The following KALRN variants were observed in gnomAD, a reference collection of about 807,000 sequenced individuals.
The protein encoded by KALRN is kalirin RhoGEF kinase, also known as kalirin.
KALRN carries 70 observed loss-of-function variants against 353.7 expected under a neutral mutation model. The observed-to-expected ratio is 0.20, with a 90% CI of 0.16 to 0.24. The LOEUF is 0.24. KALRN is among the 10% of genes least tolerant of loss of function. KALRN has a pLI of 1.00. For missense variants in KALRN, 2,791 were observed against 3,756.7 expected (o/e 0.74, Z 6.72); for synonymous variants, 1,391 against 1,434.8 (o/e 0.97, Z 0.69).
intron 32 of KALRN, among the ~76,000 whole-genome samples, chr3:124,496,012 TACACAC>T (rs71922638): frequency 0.073 from 3,165 of 43,354 alleles, 525 homozygotes; most frequent in East Asian, 0.21. Context: ...TATATATATA[TACACAC>T]ACATATATAC....
chr3:124,082,197 G>A (rs1459455150), intron 1 of KALRN: 1 of 463,200 alleles, frequency 2.2e-6, no homozygotes, highest in Non-Finnish European at 4.5e-6. Context: ...CCTTCTGTAG[G>A]TAGCCAGGCT....
intron 34 of KALRN, among the ~76,000 whole-genome samples, chr3:124,564,560 C>G (rs2072550057): frequency 6.6e-6 from 1 of 151,964 alleles, no homozygotes; most frequent in South Asian, 2.1e-4. Context: ...ACCCATAGTT[C>G]CAGCTACTCA....
intron 1 of KALRN, among the ~76,000 whole-genome samples, chr3:124,074,416 T>C (rs1420434795): frequency 1.3e-5 from 2 of 152,224 alleles, no homozygotes; most frequent in East Asian, 3.8e-4. Context: ...ACAATCTCTA[T>C]GATAGTCTAG....
chr3:124,287,782 T>C (rs2076054249), intron 5 of KALRN, among the ~76,000 whole-genome samples: 3 of 7,394 alleles, frequency 4.1e-4, no homozygotes, highest in African/African-American at 9.6e-4. Context: ...TATATATATA[T>C]ATATATATAT....
At chr3:124,316,906 A>G (rs1208549584) in intron 6 of KALRN, among the ~76,000 whole-genome samples, 1 of 152,256 alleles carries the variant, frequency 6.6e-6, no homozygotes, top group Non-Finnish European at 1.5e-5. Flanking sequence ...AAGGCAAGAT[A>G]TTGATGAAAG....
intron 33 of KALRN, among the ~76,000 whole-genome samples, chr3:124,550,282 G>A (rs2070315361): frequency 1.3e-5 from 2 of 152,304 alleles, no homozygotes; most frequent in Admixed American, 1.3e-4. Context: ...GAGCTATAGT[G>A]GAGGGAGCCG....
At chr3:124,503,084 C>G (rs926772406) in intron 33 of KALRN, among the ~76,000 whole-genome samples, 2 of 152,080 alleles carry the variant, frequency 1.3e-5, no homozygotes, top group African/African-American at 4.8e-5. Flanking sequence ...TTCCTCAGCA[C>G]TAGTATTACT....
In KALRN at chr3:124,083,902, C is replaced by A. The variant is rs1185745833; in HGVS notation, c.73+50089C>A. ...CTTTGTCAGGCAGACGATGAGATTC[C>A]TTGCCTCAGTGGATGGTTTTGTTAT... On this transcript the variant is annotated intron_variant, in intron 1 of 59. Transcript: ENST00000682506. Among the ~76,000 whole-genome samples, 3 of 152,216 alleles carry A rather than the reference C, an allele frequency of 2.0e-5. No individual in the cohort carries two copies. The East Asian group carries it at 5.8e-4, about 29-fold the overall frequency.
At position 124,319,783 on chromosome 3, in the gene KALRN, A is replaced by C. The variant is rs904183414; in HGVS notation, c.1093-6197A>C. ...CAAGGCAGGCGGATCACTTGAGGTCAGGAGTTCGAGACCAGCCTGGCCAAC... is the reference window on the plus strand; with the variant it reads ...CAAGGCAGGCGGATCACTTGAGGTCCGGAGTTCGAGACCAGCCTGGCCAAC... On this transcript the variant is annotated intron_variant, in intron 6 of 59. Coordinates refer to ENST00000682506, the MANE Select transcript of KALRN (RefSeq NM_001388419.1). Among the ~76,000 whole-genome samples the C allele has an allele frequency of 2.6e-5, 4 of 152,024 alleles. No homozygotes were observed. In the South Asian group the frequency reaches 8.3e-4, roughly 32 times the overall value.
At chr3:124,623,399 T>TATACACACACACACACACACACAC (rs2079529815) in intron 34 of KALRN, among the ~76,000 whole-genome samples, 1 of 136,444 alleles carries the variant, frequency 7.3e-6, no homozygotes, top group Non-Finnish European at 1.6e-5. Context: ...TATTTATTTA[T>TATACACACACACACACACACACAC]ACACACACAC....
chr3:124,498,885 T>A (rs2064184893), intron 33 of KALRN, among the ~76,000 whole-genome samples: 3 of 151,866 alleles, frequency 2.0e-5, no homozygotes, highest in Admixed American at 6.6e-5. Context: ...GATTTTCCCC[T>A]GACTATACTA....
chr3:124,249,070 ACTATGAAGGAGTG>A (rs2070749758), intron 3 of KALRN, among the ~76,000 whole-genome samples: 1 of 152,212 alleles, frequency 6.6e-6, no homozygotes, highest in African/African-American at 2.4e-5. Context: ...TGCAGCTCTG[ACTATGAAGGAGTG>A]CTGCATTGGG....
chr3:124,137,215 G>A (rs948971332), intron 1 of KALRN, among the ~76,000 whole-genome samples: 4 of 152,122 alleles, frequency 2.6e-5, no homozygotes, highest in Non-Finnish European at 4.4e-5. Context: ...ATTTACTTAC[G>A]TGTACAACAC....
chr3:124,679,317 C>G (rs940974438), intron 50 of KALRN, 141 bp from the exon 51 acceptor site: 2 of 680,354 alleles, frequency 2.9e-6, no homozygotes, highest in African/African-American at 3.6e-5. Context: ...TTCTCACCCC[C>G]ACTTTAAAAA....
chr3:124,718,785 G>T, intron 59 of KALRN, 140 bp from the exon 60 acceptor site: 1 of 728,588 alleles, frequency 1.4e-6, no homozygotes. Flanking sequence ...AGTTTCCGTA[G>T]TGCATAGGGA....
At chr3:124,360,845 G>A (rs183201514) in intron 10 of KALRN, among the ~76,000 whole-genome samples, 4 of 152,280 alleles carry the variant, frequency 2.6e-5, no homozygotes, top group African/African-American at 7.2e-5. Context: ...ATTTGTCTAC[G>A]CTGAAAGAAG....
chr3:124,439,198 T>TCACACACACACACACACACACA (rs1220555173), intron 18 of KALRN, among the ~76,000 whole-genome samples, 161 bp downstream of exon 18: 154 of 125,476 alleles, frequency 1.2e-3, no homozygotes, highest in African/African-American at 4.9e-3. Context: ...TCTCTCTCTC[T>TCACACACACACACACACACACA]CTCACACACA....
chr3:124,717,474 C>A, intron 59 of KALRN, 89 bp downstream of exon 59: 3 of 833,268 alleles, frequency 3.6e-6, no homozygotes, highest in Non-Finnish European at 5.4e-6. Context: ...ATCACAAGGT[C>A]AGGAGATCGA....
intron 15 of KALRN, among the ~76,000 whole-genome samples, chr3:124,427,049 A>C (rs2150405290): frequency 6.6e-6 from 1 of 152,342 alleles, no homozygotes; most frequent in South Asian, 2.1e-4. Flanking sequence ...TTTGCATATA[A>C]TCAAGATGGA....
Sources: gnomAD v4.1 joint callset for allele counts (sites outside exome capture counted in the v4.1 genomes callset) on GRCh38, gnomAD v4.1.1 for gene constraint, MANE v1.5 for transcripts, NCBI Gene and HGNC (gene_info 2026-07-23, HGNC 2026-07-21) for gene names.